RORA: variants seen among roughly 807,000 people sequenced by gnomAD.
RORA encodes RAR related orphan receptor A.
In RORA, 7 loss-of-function variants were observed where a neutral mutation model predicts 69.5. That is an observed-to-expected ratio of 0.10 (90% CI 0.06 to 0.19). The LOEUF (loss-of-function observed/expected upper bound fraction) is 0.19, where lower values mean the gene tolerates loss of function less well. RORA is among the 10% of genes least tolerant of loss of function. The pLI is 1.00. For missense variants in RORA, 457 were observed against 663.0 expected (o/e 0.69, Z 3.41); for synonymous variants, 261 against 240.8 (o/e 1.08, Z -0.78).
At chr15:60,787,600 T>A (rs1052726863) in intron 1 of RORA, among the ~76,000 whole-genome samples, 1 of 152,208 alleles carries the variant, frequency 6.6e-6, no homozygotes, top group Non-Finnish European at 1.5e-5. Flanking sequence ...TGAGCACTTA[T>A]AAAGGCCAGG....
intron 1 of RORA, among the ~76,000 whole-genome samples, chr15:60,801,687 C>T (rs969142662): frequency 6.6e-6 from 1 of 152,182 alleles, no homozygotes; most frequent in African/African-American, 2.4e-5. Flanking sequence ...AGAGGCACGC[C>T]ACGGTGTGGA....
intron 1 of RORA, among the ~76,000 whole-genome samples, chr15:60,818,501 C>T (rs2072847168): frequency 6.6e-6 from 1 of 152,116 alleles, no homozygotes; most frequent in Admixed American, 6.5e-5. Flanking sequence ...GTGGCAAAGC[C>T]CAATGCAGAA....
chr15:61,181,680 CAAAA>C (rs749054081), intron 1 of RORA, among the ~76,000 whole-genome samples: 4 of 57,748 alleles, frequency 6.9e-5, no homozygotes, highest in Non-Finnish European at 7.3e-5. Flanking sequence ...TTAGCTTTGG[CAAAA>C]AAAAAAAAAA....
At chr15:60,592,729 G>A in intron 2 of RORA, 1 of 1,096,278 alleles carries the variant, frequency 9.1e-7, no homozygotes, top group South Asian at 1.9e-5. Context: ...GGCTCTGCTG[G>A]CCCACCCCGG....
chr15:60,932,205 A>G (rs370868807), intron 1 of RORA, among the ~76,000 whole-genome samples: 1 of 152,204 alleles, frequency 6.6e-6, no homozygotes, highest in African/African-American at 2.4e-5. Context: ...AATCTGAGGG[A>G]CCTGAGAAGG....
intron 1 of RORA, among the ~76,000 whole-genome samples, chr15:60,925,346 T>C (rs1440096075): frequency 3.9e-5 from 6 of 152,132 alleles, no homozygotes; most frequent in Non-Finnish European, 5.9e-5. Context: ...AAGAGAATAT[T>C]TGAAATGTCC....
chr15:61,035,930 C>T (rs1037001580), intron 1 of RORA, among the ~76,000 whole-genome samples: 14 of 152,086 alleles, frequency 9.2e-5, no homozygotes, highest in African/African-American at 2.9e-4. Flanking sequence ...CCAACAAAAG[C>T]ATGACATGGA....
intron 1 of RORA, among the ~76,000 whole-genome samples, chr15:60,923,282 A>G (rs1399093629): frequency 6.6e-6 from 1 of 152,256 alleles, no homozygotes; most frequent in Non-Finnish European, 1.5e-5. Flanking sequence ...TTATTAAACA[A>G]CCAGCTAATG....
chr15:60,607,220 T>A (rs2068967467), intron 2 of RORA, among the ~76,000 whole-genome samples: 1 of 152,166 alleles, frequency 6.6e-6, no homozygotes, highest in Non-Finnish European at 1.5e-5. Flanking sequence ...AGTTTCTGAG[T>A]GCATCCTGTA....
chr15:61,079,367 T>C (rs2078503190), intron 1 of RORA, among the ~76,000 whole-genome samples: 1 of 152,250 alleles, frequency 6.6e-6, no homozygotes, highest in Admixed American at 6.5e-5. Context: ...GTAGACACAG[T>C]ACTATACTAT....
chr15:61,130,032 T>A (rs2079177299), intron 1 of RORA, among the ~76,000 whole-genome samples: 2 of 152,188 alleles, frequency 1.3e-5, no homozygotes, highest in African/African-American at 4.8e-5. Flanking sequence ...TAGTGTCTCC[T>A]TTCCTTATCA....
chr15:61,001,159 C>G (rs79487518), intron 1 of RORA, among the ~76,000 whole-genome samples: 3,057 of 152,296 alleles, frequency 0.02, 97 homozygotes, highest in African/African-American at 0.07. Flanking sequence ...TCCCAAGTTG[C>G]AGTCTCATCA....
Position 60,673,501 on chromosome 15 carries a change from G to C in RORA, c.196+5156C>G, listed in dbSNP as rs565417167. On this transcript the variant is annotated intron_variant, in intron 2 of 10. Transcript: ENST00000335670. ...AAATAGATGTTACTCTGTAAGAATG[G>C]GTGGAGATGAGCAGCGGGGATAGGT... Among the ~76,000 whole-genome samples, 21 of 152,298 alleles carry C rather than the reference G, an allele frequency of 1.4e-4. No homozygotes were observed. In the South Asian group the frequency reaches 4.1e-3, roughly 30 times the overall value.
chr15:60,904,671 G>C (rs1891481997), intron 1 of RORA, among the ~76,000 whole-genome samples: 1 of 152,150 alleles, frequency 6.6e-6, no homozygotes, highest in Admixed American at 6.5e-5. Flanking sequence ...CAAATTCTAA[G>C]ACACTTTGGG....
chr15:61,210,634 AC>A (rs2079982827), intron 1 of RORA, among the ~76,000 whole-genome samples: 2 of 152,210 alleles, frequency 1.3e-5, no homozygotes, highest in South Asian at 4.1e-4. Context: ...AGCTATGAAT[AC>A]CCTTTTATGT....
At chr15:60,583,561 G>A (rs1318469334) in intron 2 of RORA, among the ~76,000 whole-genome samples, 1 of 152,152 alleles carries the variant, frequency 6.6e-6, no homozygotes, top group Non-Finnish European at 1.5e-5. Context: ...GCTTTATGAC[G>A]AAAAGGAGTA....
intron 1 of RORA, among the ~76,000 whole-genome samples, chr15:60,747,546 C>A (rs1307364986): frequency 3.9e-5 from 6 of 152,158 alleles, no homozygotes; most frequent in African/African-American, 1.4e-4. Flanking sequence ...GCTCCAATCA[C>A]CTGCCAGAGA....
intron 1 of RORA, among the ~76,000 whole-genome samples, chr15:60,881,660 A>C (rs1164409932): frequency 1.3e-5 from 2 of 152,186 alleles, no homozygotes; most frequent in Non-Finnish European, 2.9e-5. Flanking sequence ...TGGGAGTAAA[A>C]GGGAAAGAGT....
At chr15:60,841,882 C>T (rs990775356) in intron 1 of RORA, among the ~76,000 whole-genome samples, 1 of 152,202 alleles carries the variant, frequency 6.6e-6, no homozygotes, top group Non-Finnish European at 1.5e-5. Flanking sequence ...AAGCAGGATA[C>T]AAATGAATCA....
Sources: gnomAD v4.1 joint callset for allele counts (sites outside exome capture counted in the v4.1 genomes callset) on GRCh38, gnomAD v4.1.1 for gene constraint, MANE v1.5 for transcripts, NCBI Gene and HGNC (gene_info 2026-07-23, HGNC 2026-07-21) for gene names.